The following ZNF112 variants were observed in gnomAD, a reference collection of about 807,000 sequenced individuals.
ZNF112 encodes zinc finger protein 112 (Y14).
Under a neutral mutation model 77.7 loss-of-function variants are expected in ZNF112, and 37 were observed. The ratio of observed to expected loss-of-function variants is 0.48; its 90% CI spans 0.37 to 0.63. The LOEUF (loss-of-function observed/expected upper bound fraction) is 0.63, where lower values mean the gene tolerates loss of function less well. Ranked by LOEUF, ZNF112 falls within the 20% of genes least tolerant of loss-of-function variation. The pLI is 0.00. For missense variants in ZNF112, 950 were observed against 1,077.4 expected (o/e 0.88, Z 1.66); for synonymous variants, 333 against 363.6 (o/e 0.92, Z 0.96).
upstream of ZNF112, among the ~76,000 whole-genome samples, chr19:44,361,558 T>C (rs1970855349): frequency 6.6e-6 from 1 of 152,214 alleles, no homozygotes; most frequent in Non-Finnish European, 1.5e-5. Flanking sequence ...CAAAGCTACG[T>C]ACTGTAATTC....
chr19:44,327,804 G>T lies in ZNF112; in HGVS notation c.2353C>A (p.Arg785Ser), dbSNP rs746843109. 6.2e-7 allele frequency: 1 copy of T among 1,613,612 alleles called. No individual in the cohort carries two copies. The change falls in exon 4 of 4, where the codon CGC (arginine) becomes AGC (serine). Residue 785 changes from arginine (R) to serine (S), a missense_variant. This residue lies in a region of ZNF112 where 373 missense variants were observed against 482.8 expected (regional missense o/e 0.77). Transcript: ENST00000354340. ...TGAACCCTTTGGTGTGCTTGAAGGC[G>T]TGAACTCTCACTGAAACCCTTTGTA... Reference protein sequence around the residue: ...VCTKGFSESSRLQAHQRVHVE... With the variant: ...VCTKGFSESSSLQAHQRVHVE...
At position 44,328,031 on chromosome 19, in the gene ZNF112, T is replaced by C; in HGVS notation, c.2126A>G (p.His709Arg). ...ACATATATATGGTCTTTCTCCAGAA[T>C]GGACACTCTGATGACTCTGAAGGTA... ...RSYLQSHQSV[H>R]SGERPYICEV... The change falls in exon 4 of 4, where the codon CAT (histidine) becomes CGT (arginine). Residue 709 changes from histidine to arginine, a missense_variant. His to Arg is a conservative substitution (Grantham distance 29, BLOSUM62 0). Transcript: ENST00000354340. 1 of 1,614,040 alleles carries C rather than the reference T, an allele frequency of 6.2e-7. No homozygotes were observed. Among genetic ancestry groups the C allele is most frequent in the Non-Finnish European group, 8.5e-7 (1 of 1,179,980 alleles).
chr19:44,336,488 C>A (rs931383568), intron 3 of ZNF112, 135 bp downstream of exon 3: 2 of 682,806 alleles, frequency 2.9e-6, no homozygotes, highest in Admixed American at 5.2e-5. Context: ...ACCTAATAGA[C>A]CACTTTAAGT....
In ZNF112 at chr19:44,328,305, G is replaced by C; in HGVS notation, c.1852C>G (p.Leu618Val). 1 of 1,614,076 alleles carries C rather than the reference G, an allele frequency of 6.2e-7. No individual in the cohort carries two copies. Among genetic ancestry groups the C allele is most frequent in the Non-Finnish European group, 8.5e-7 (1 of 1,179,988 alleles). ...GTGTGGACTCTCTGATGGCCTTGAA[G>C]GTGTGAACTCCGACTGAAGCCCTTC... ...CGKGFSRSSH[L>V]QGHQRVHTGE... The change falls in exon 4 of 4, where the codon CTT becomes GTT. Residue 618 changes from leucine (L) to valine (V), a missense_variant. Transcript: ENST00000354340.
In ZNF112 at chr19:44,328,843, A is replaced by C. The variant is rs1970196870; in HGVS notation, c.1314T>G (p.Asn438Lys). The C allele has an allele frequency of 1.2e-6, 2 of 1,614,032 alleles. No individual in the cohort carries two copies. Among genetic ancestry groups the C allele is most frequent in the Non-Finnish European group, 1.7e-6 (2 of 1,179,946 alleles). The change falls in exon 4 of 4, where the codon AAT (asparagine) becomes AAG (lysine). Residue 438 changes from asparagine (N) to lysine (K), a missense_variant. Asn to Lys is a moderately conservative substitution (Grantham distance 94). Transcript: ENST00000354340. ...TGAAGCCATTACCACACTCCTCAGA[A>C]TTATATGAATTCTCTTCCATATGAA... ...HRVHMEENSY[N>K]SEECGNGFSL...
At chr19:44,337,426 T>C (rs879538617) in intron 2 of ZNF112, among the ~76,000 whole-genome samples, 9,421 of 95,468 alleles carry the variant, frequency 0.099, 962 homozygotes, top group African/African-American at 0.2. Context: ...TAATATATAT[T>C]ATATATATAT....
upstream of ZNF112, among the ~76,000 whole-genome samples, chr19:44,360,844 C>T (rs554554443): frequency 6.9e-4 from 105 of 152,290 alleles, no homozygotes; most frequent in African/African-American, 2.4e-3. Flanking sequence ...TCTTATGACA[C>T]TTAAATCTAC....
In ZNF112 at chr19:44,328,468, T is replaced by C. The variant is rs1970181151; in HGVS notation, c.1689A>G (p.Gln563=). ...DKGFSRSSYL[Q]AHQRVHTGEK... ...CTCCAGTGTGGACTCTCTGATGGGCTTGAAGATATGAACTCCGACTGAATC... is the reference window on the plus strand; with the variant it reads ...CTCCAGTGTGGACTCTCTGATGGGCCTGAAGATATGAACTCCGACTGAATC... Residue 563 remains glutamine (Q), a synonymous_variant, in exon 4 of 4, where the codon CAA becomes CAG. Transcript: ENST00000354340. The C allele has an allele frequency of 6.2e-7, 1 of 1,614,104 alleles. No homozygotes were observed. Among genetic ancestry groups the C allele is most frequent in the African/African-American group, 1.3e-5 (1 of 75,020 alleles).
rs761232719 is a variant in ZNF112, at chr19:44,329,301, CACATGAACTGTATGT to C, written c.841_855del (p.Thr281_Cys285del). On this transcript the variant is annotated inframe_deletion, in exon 4 of 4. Transcript: ENST00000354340. ...AGTGAACTATAATTACAGCCCTTTC[CACATGAACTGTATGT>C]ATAGGGCTTCCCTTCCAAGTGGAAC... 11 of 1,613,864 alleles carry C rather than the reference CACATGAACTGTATGT, an allele frequency of 6.8e-6. No individual in the cohort carries two copies. Among genetic ancestry groups the C allele is most frequent in the Non-Finnish European group, 9.3e-6 (11 of 1,180,000 alleles).
chr19:44,342,590 G>A (rs555424594), intron 1 of ZNF112, among the ~76,000 whole-genome samples: 34 of 152,218 alleles, frequency 2.2e-4, no homozygotes, highest in African/African-American at 6.5e-4. Context: ...GCTGAGGCAC[G>A]TAGATCACGA....
chr19:44,334,131 T>C lies in ZNF112; in HGVS notation c.220+2492A>G, dbSNP rs146155766. The stretch of plus-strand genomic sequence containing the variant: ...AGATATATTTAGGTTTGTAAATGCA[T>C]TTATACATTTTCCCAACATTGGTGC... On this transcript the variant is annotated intron_variant, in intron 3 of 3. Transcript: ENST00000354340. Among the ~76,000 whole-genome samples, 609 of 152,282 alleles carry C rather than the reference T, an allele frequency of 4.0e-3. 3 individuals carry two copies. The highest frequency in any genetic ancestry group is 0.014 in the African/African-American group (589 of 41,562).
At chr19:44,358,758 G>T (rs1304253976), upstream of ZNF112, among the ~76,000 whole-genome samples, 2 of 152,128 alleles carry the variant, frequency 1.3e-5, no homozygotes, top group Non-Finnish European at 2.9e-5. Context: ...ACAACTAAAT[G>T]ATTCATGTGT....
At chr19:44,330,553 T>A (rs569092250) in intron 3 of ZNF112, among the ~76,000 whole-genome samples, 5 of 152,268 alleles carry the variant, frequency 3.3e-5, no homozygotes, top group Non-Finnish European at 1.5e-5. Context: ...CTGGCCAACA[T>A]GGTGAAACCC....
upstream of ZNF112, among the ~76,000 whole-genome samples, chr19:44,361,171 A>C (rs1970852050): frequency 6.6e-6 from 1 of 152,162 alleles, no homozygotes. Context: ...TTGGACACTT[A>C]AATAGTAAAA....
Position 44,366,171 on chromosome 19 carries a change from A to G in ZNF112, c.17+910T>C, listed in dbSNP as rs188762500. Among the ~76,000 whole-genome samples the G allele has an allele frequency of 6.3e-3, 954 of 152,296 alleles. 6 individuals are homozygous for G. Among genetic ancestry groups the G allele is most frequent in the Non-Finnish European group, 0.011 (728 of 68,020 alleles). On this transcript the variant is annotated intron_variant, in intron 1 of 4. Transcript: ENST00000588057. ...TTGAGACCATCCTGGGCAACACAGT[A>G]AGACTGCATCTCTACAAAATAAAAA...
At chr19:44,330,056 T>G (rs1970241861) in intron 3 of ZNF112, 120 bp from the exon 4 acceptor site, 1 of 703,224 alleles carries the variant, frequency 1.4e-6, no homozygotes, top group Admixed American at 3.0e-5. Context: ...TTCATGCCAC[T>G]ATTTCTAAGA....
chr19:44,334,712 G>C lies in ZNF112; in HGVS notation c.220+1911C>G, dbSNP rs535886016. On this transcript the variant is annotated intron_variant, in intron 3 of 3. Coordinates refer to ENST00000354340, the MANE Select transcript of ZNF112 (RefSeq NM_013380.4). ...AGGTATAGCTCAGGCCATTGCTTCA[G>C]AGGGTGCAAACCCCAAGCCTTGGCA... is the stretch of plus-strand genomic sequence containing the variant. Among the ~76,000 whole-genome samples the C allele has an allele frequency of 1.4e-4, 21 of 152,398 alleles. No homozygotes were observed. The South Asian group carries it at 4.3e-3, about 32-fold the overall frequency.
chr19:44,329,793 C>T lies in ZNF112; in HGVS notation c.364G>A (p.Gly122Arg). 1 of 1,613,952 alleles carries T rather than the reference C, an allele frequency of 6.2e-7. No individual in the cohort carries two copies. Among genetic ancestry groups the T allele is most frequent in the South Asian group, 1.1e-5 (1 of 91,086 alleles). ...TGTTCTTGCAACTGAGAATTCTTCC[C>T]TTGAAAAACTTTCAGGAAATCTTGA... Reference protein sequence around the residue: ...RCQDFLKVFQGKNSQLQEQGN... With the variant: ...RCQDFLKVFQRKNSQLQEQGN... The change falls in exon 4 of 4, where the codon GGG becomes AGG. Residue 122 changes from glycine (G) to arginine (R), a missense_variant. Gly to Arg is a moderately radical substitution (Grantham distance 125). Coordinates refer to ENST00000354340, the MANE Select transcript of ZNF112 (RefSeq NM_013380.4).
chr19:44,343,526 C>T (rs1480569061), intron 1 of ZNF112, among the ~76,000 whole-genome samples: 2 of 152,172 alleles, frequency 1.3e-5, no homozygotes, highest in East Asian at 1.9e-4. Context: ...GCCTCACATG[C>T]CTTACAGCTC....
Sources: gnomAD v4.1 joint callset for allele counts (sites outside exome capture counted in the v4.1 genomes callset) on GRCh38, gnomAD v4.1.1 for gene constraint, gnomAD v4.1.1 regional missense constraint, MANE v1.5 for transcripts, NCBI Gene and HGNC (gene_info 2026-07-23, HGNC 2026-07-21) for gene names.